Variants in TECTA observed in about 807,000 individuals in gnomAD.
TECTA encodes the protein alpha-tectorin.
A neutral mutation model predicts 216.8 loss-of-function variants in TECTA; 128 were observed. That is an observed-to-expected ratio of 0.59 (90% confidence interval 0.51 to 0.68). TECTA has a LOEUF of 0.68. TECTA is among the 30% of genes least tolerant of loss of function. TECTA has a pLI of 0.00. For synonymous variants in TECTA, 1,089 were observed against 1,117.1 expected, an observed-to-expected ratio of 0.97 and a Z score of 0.50; for missense variants, 2,551 against 2,786.2, an observed-to-expected ratio of 0.92 and a Z score of 1.90.
At chr11:121,186,499 G>A (rs992767584) in intron 20 of TECTA, among the ~76,000 whole-genome samples, 2 of 152,182 alleles carry the variant, frequency 1.3e-5, no homozygotes, top group Admixed American at 6.5e-5. Flanking sequence ...CATCTCCTTG[G>A]GAGAGAGTTG....
chr11:121,144,935 G>A (rs1946819533), intron 11 of TECTA, among the ~76,000 whole-genome samples: 1 of 152,202 alleles, frequency 6.6e-6, no homozygotes, highest in Non-Finnish European at 1.5e-5. Context: ...CAGCGGTAGA[G>A]AGGAATACAA....
intron 12 of TECTA, among the ~76,000 whole-genome samples, chr11:121,149,244 G>C (rs558715618): frequency 6.6e-6 from 1 of 152,322 alleles, no homozygotes; most frequent in South Asian, 2.1e-4. Flanking sequence ...CTGCCTCTCT[G>C]AGCCTGGTCA....
chr11:121,124,653 G>A (rs1428558012), intron 7 of TECTA, among the ~76,000 whole-genome samples: 1 of 152,184 alleles, frequency 6.6e-6, no homozygotes, highest in African/African-American at 2.4e-5. Flanking sequence ...AGGGGCAGGG[G>A]CAATTATGTT....
intron 16 of TECTA, 140 bp downstream of exon 16, chr11:121,162,510 C>A: frequency 8.5e-7 from 1 of 1,176,370 alleles, no homozygotes. Flanking sequence ...TAGTAGAGAG[C>A]TGTGAGCTGC....
intron 7 of TECTA, 101 bp from the exon 8 acceptor site, chr11:121,125,201 T>C: frequency 8.1e-7 from 1 of 1,229,890 alleles, no homozygotes; most frequent in Admixed American, 1.7e-5. Context: ...GGCCATTCTC[T>C]CTGGAGTGTT....
chr11:121,168,980 T>A, intron 20 of TECTA, 55 bp downstream of exon 20: 2 of 1,612,686 alleles, frequency 1.2e-6, no homozygotes, highest in Non-Finnish European at 1.7e-6. Context: ...AATATTGTCC[T>A]CATCATTTTT....
At chr11:121,183,875 C>A (rs528624516) in intron 20 of TECTA, among the ~76,000 whole-genome samples, 5 of 152,260 alleles carry the variant, frequency 3.3e-5, no homozygotes, top group African/African-American at 7.2e-5. Context: ...GCAGTCTCAA[C>A]GTCCTGGGCT....
intron 7 of TECTA, 34 bp from the exon 8 acceptor site, chr11:121,125,268 C>T (rs770902192): frequency 3.1e-6 from 5 of 1,600,484 alleles, no homozygotes; most frequent in Admixed American, 1.7e-5. Context: ...TGGGCACCTG[C>T]TCACCTGCCT....
intron 10 of TECTA, among the ~76,000 whole-genome samples, chr11:121,133,544 A>T (rs548497965): frequency 6.6e-6 from 1 of 152,294 alleles, no homozygotes; most frequent in South Asian, 2.1e-4. Flanking sequence ...TTAATCTGGA[A>T]CAATGACTTA....
intron 13 of TECTA, among the ~76,000 whole-genome samples, 175 bp downstream of exon 13, chr11:121,153,255 T>C (rs1946910953): frequency 1.3e-5 from 2 of 152,098 alleles, no homozygotes; most frequent in Non-Finnish European, 2.9e-5. Context: ...GGTGATGCTC[T>C]TGGGCACTGA....
At chr11:121,168,545 T>C in intron 19 of TECTA, 132 bp from the exon 20 acceptor site, 1 of 1,345,914 alleles carries the variant, frequency 7.4e-7, no homozygotes, top group Non-Finnish European at 1.1e-6. Flanking sequence ...AGGTACTGTA[T>C]TGGACAGCAC....
chr11:121,106,546 A>G (rs967097562), intron 3 of TECTA, among the ~76,000 whole-genome samples: 5 of 152,006 alleles, frequency 3.3e-5, no homozygotes, highest in African/African-American at 1.2e-4. Flanking sequence ...CTGTGTTCTC[A>G]GGTTTTTGTT....
In TECTA at chr11:121,125,048, G is replaced by A. The variant is rs1439584975; in HGVS notation, c.1204-254G>A. ...TGACAACCACACAGTCCCCAGAGGA[G>A]TCCGTAGTGGCACTCTGTATGCCAC... On this transcript the variant is annotated intron_variant, in intron 7 of 23. Transcript: ENST00000392793. Among the ~76,000 whole-genome samples the A allele has an allele frequency of 2.0e-5, 3 of 152,252 alleles. No individual in the cohort carries two copies. The East Asian group carries it at 5.8e-4, about 29-fold the overall frequency.
At chr11:121,152,051 A>T (rs148490382) in intron 12 of TECTA, among the ~76,000 whole-genome samples, 203 of 152,370 alleles carry the variant, frequency 1.3e-3, no homozygotes, top group African/African-American at 4.5e-3. Context: ...GTATTTATAG[A>T]TAAGAAAGCT....
intron 20 of TECTA, among the ~76,000 whole-genome samples, chr11:121,170,680 A>G (rs1313143335): frequency 6.6e-6 from 1 of 152,068 alleles, no homozygotes; most frequent in African/African-American, 2.4e-5. Context: ...ATGATTAGTA[A>G]TGTTGAGAAT....
rs750538690 is a variant in TECTA at position 121,113,710 on chromosome 11, C to T, written c.782C>T (p.Thr261Ile). ...GKEIDPANGC[T>I]SRGQFLRRGE... ...GAAATTGACCCAGCCAATGGCTGCA[C>T]CTCAAGGGGTAAAGCTTTTCCTCTG... Residue 261 changes from threonine (T) to isoleucine (I), a missense_variant, in exon 6 of 24, where the codon ACC (threonine) becomes ATC (isoleucine). Physicochemically the swap from Thr to Ile is moderately conservative, Grantham distance 89. This residue lies in a region of TECTA where 2,375 missense variants were observed against 2,563.9 expected (regional missense o/e 0.93). Coordinates refer to ENST00000392793, the MANE Select transcript of TECTA (RefSeq NM_005422.4). This position sits in a 1 kb window ranked among gnomAD's most constrained non-coding sequence, Gnocchi z 4.2. 31 of 1,613,454 alleles carry T rather than the reference C, an allele frequency of 1.9e-5. No homozygotes were observed. In the South Asian group the frequency reaches 2.5e-4, roughly 13 times the overall value.
At position 121,168,882 on chromosome 11, in the gene TECTA, C is replaced by T. The variant is rs772089648; in HGVS notation, c.5956C>T (p.Arg1986Ter). Reference protein sequence around the residue: ...TLNKCYATPTRDSNDKLRYFI... With the variant: ...TLNKCYATPT ...CAACAAATGCTATGCCACACCCACCCGAGATAGCAATGATAAGCTCCGATA... is the reference window on the plus strand; with the variant it reads ...CAACAAATGCTATGCCACACCCACCTGAGATAGCAATGATAAGCTCCGATA... Residue 1986 changes from arginine (R) to a stop codon, truncating the protein, a stop_gained, in exon 20 of 24, where the codon CGA (arginine) becomes TGA (stop). Transcript: ENST00000392793. LOFTEE classifies it high-confidence loss of function. The T allele has an allele frequency of 6.8e-6, 11 of 1,613,964 alleles. No homozygotes were observed. The highest frequency in any genetic ancestry group is 8.5e-6 in the Non-Finnish European group (10 of 1,180,008).
At chr11:121,190,636 A>G in intron 23 of TECTA, 70 bp from the exon 24 acceptor site, 1 of 1,205,332 alleles carries the variant, frequency 8.3e-7, no homozygotes, top group Non-Finnish European at 1.2e-6. Flanking sequence ...AGTGCTGCAA[A>G]GATGTCTGAT....
intron 20 of TECTA, among the ~76,000 whole-genome samples, chr11:121,179,552 T>C (rs1947204274): frequency 6.6e-6 from 1 of 152,220 alleles, no homozygotes; most frequent in Non-Finnish European, 1.5e-5. Flanking sequence ...TAAGTCCATT[T>C]GGTCTAAAGT....
Sources: gnomAD v4.1 joint callset for allele counts (sites outside exome capture counted in the v4.1 genomes callset) on GRCh38, gnomAD v4.1.1 for gene constraint, gnomAD v4.1.1 regional missense constraint, Gnocchi (gnomAD v3.1) non-coding constraint, MANE v1.5 for transcripts, NCBI Gene and HGNC (gene_info 2026-07-23, HGNC 2026-07-21) for gene names.